KNTC1: variants seen among roughly 807,000 people sequenced by gnomAD.
KNTC1 encodes the protein kinetochore associated 1, also known as kinetochore-associated protein 1.
In KNTC1, 253 loss-of-function variants were observed where a neutral mutation model predicts 314.4. The ratio of observed to expected loss-of-function variants is 0.80; its 90% CI spans 0.73 to 0.89. KNTC1 has a LOEUF of 0.89. Ranked by LOEUF, KNTC1 falls within the 40% of genes least tolerant of loss-of-function variation. The pLI is 0.00. For missense variants in KNTC1, 2,475 were observed against 2,572.9 expected, an observed-to-expected ratio of 0.96 and a Z score of 0.82; for synonymous variants, 901 against 901.4, an observed-to-expected ratio of 1.00 and a Z score of 0.01.
chr12:122,563,139 T>TCAC (rs1457690313), intron 20 of KNTC1, among the ~76,000 whole-genome samples: 66 of 152,238 alleles, frequency 4.3e-4, no homozygotes, highest in African/African-American at 1.3e-3. Flanking sequence ...ATACTAGTTT[T>TCAC]TCAGCAACAA....
intron 18 of KNTC1, among the ~76,000 whole-genome samples, chr12:122,559,151 A>G (rs931797822): frequency 6.6e-6 from 1 of 152,018 alleles, no homozygotes; most frequent in Admixed American, 6.6e-5. Context: ...GATCGAGACC[A>G]TTGTGACGAA....
rs1273465100 is a variant in KNTC1 at position 122,574,341 on chromosome 12, A to C, written c.2343A>C (p.Ala781=). The C allele has an allele frequency of 1.2e-6, 2 of 1,611,836 alleles. No individual in the cohort carries two copies. Among genetic ancestry groups the C allele is most frequent in the Non-Finnish European group, 1.7e-6 (2 of 1,178,520 alleles). Residue 781 remains alanine, a synonymous_variant, in exon 27 of 64, where the codon GCA becomes GCC. Coordinates refer to ENST00000333479, the MANE Select transcript of KNTC1 (RefSeq NM_014708.6). The stretch of plus-strand genomic sequence containing the variant: ...CACTCTTTGAAACAGCATGGGAAGC[A>C]AAGGCCATGGCAGTAATAGCGTGTT... ...STSLFETAWE[A]KAMAVIACLS...
intron 27 of KNTC1, 112 bp from the exon 28 acceptor site, chr12:122,575,431 T>C (rs1964948955): frequency 8.6e-6 from 6 of 696,504 alleles, no homozygotes; most frequent in Admixed American, 2.3e-5. Flanking sequence ...GGATGAAATA[T>C]TCTCAAACTA....
intron 59 of KNTC1, among the ~76,000 whole-genome samples, chr12:122,619,328 C>CGG (rs975960429): frequency 6.6e-6 from 1 of 151,420 alleles, no homozygotes; most frequent in African/African-American, 2.4e-5. Context: ...TGCACCACCA[C>CGG]GCCTGGCTAA....
At chr12:122,574,580 T>A (rs1269353559) in intron 27 of KNTC1, among the ~76,000 whole-genome samples, 200 bp downstream of exon 27, 1 of 152,196 alleles carries the variant, frequency 6.6e-6, no homozygotes, top group Non-Finnish European at 1.5e-5. Context: ...CACCTCAGCC[T>A]CCTGAGTAGT....
chr12:122,588,688 T>C (rs770959261), intron 39 of KNTC1, 24 bp from the exon 40 acceptor site: 2 of 1,466,616 alleles, frequency 1.4e-6, no homozygotes, highest in South Asian at 1.4e-5. Context: ...TAGACCTAAA[T>C]ATTTTTTTCT....
intron 41 of KNTC1, 120 bp from the exon 42 acceptor site, chr12:122,591,217 T>C (rs546719811): frequency 4.0e-5 from 28 of 692,030 alleles, no homozygotes; most frequent in South Asian, 3.6e-4. Context: ...CAAAATAATA[T>C]GTAACATTCT....
At chr12:122,551,846 A>C (rs1235435999) in intron 16 of KNTC1, 150 bp downstream of exon 16, 2 of 670,270 alleles carry the variant, frequency 3.0e-6, no homozygotes, top group African/African-American at 1.8e-5. Context: ...ATTCAGAGGA[A>C]AGAGTGACCC....
chr12:122,618,756 C>T (rs1453213233), intron 59 of KNTC1, among the ~76,000 whole-genome samples: 3 of 151,994 alleles, frequency 2.0e-5, no homozygotes, highest in African/African-American at 4.8e-5. Flanking sequence ...GCACCCTCCA[C>T]CTCCCAGATT....
At chr12:122,552,504 A>G (rs559304591) in intron 16 of KNTC1, among the ~76,000 whole-genome samples, 35 of 152,220 alleles carry the variant, frequency 2.3e-4, no homozygotes, top group African/African-American at 7.5e-4. Context: ...GGCTGGGACT[A>G]TAGTTGCATA....
At chr12:122,605,225 A>G (rs894868434) in intron 50 of KNTC1, 81 bp from the exon 51 acceptor site, 1 of 1,076,016 alleles carries the variant, frequency 9.3e-7, no homozygotes, top group African/African-American at 1.6e-5. Flanking sequence ...ATGTATGTGC[A>G]TATATACACA....
chr12:122,528,041 A>G (rs528102861), intron 1 of KNTC1, among the ~76,000 whole-genome samples: 2 of 152,360 alleles, frequency 1.3e-5, no homozygotes, highest in African/African-American at 2.4e-5. Flanking sequence ...CCGCAAAAAC[A>G]TAAACTTCAT....
At chr12:122,603,274 A>C (rs2138118270) in intron 48 of KNTC1, 31 bp downstream of exon 48, 1 of 811,704 alleles carries the variant, frequency 1.2e-6, no homozygotes, top group East Asian at 5.4e-5. Context: ...ATTGTAGTTA[A>C]AAAAAAAAAA....
At chr12:122,545,865 C>T (rs960936047) in intron 8 of KNTC1, among the ~76,000 whole-genome samples, 3 of 151,198 alleles carry the variant, frequency 2.0e-5, no homozygotes, top group Non-Finnish European at 2.9e-5. Flanking sequence ...GTGGGAGGAT[C>T]GCTTGAGCCC....
chr12:122,537,988 G>A lies in KNTC1; in HGVS notation c.251-351G>A, dbSNP rs969905915. ...TCTGTACAAAAAATACCAAAAACTA[G>A]CTGGCCATAGTGGTGTGTACCTGTG... On this transcript the variant is annotated intron_variant, in intron 3 of 63. Coordinates refer to ENST00000333479, the MANE Select transcript of KNTC1 (RefSeq NM_014708.6). 7.2e-5 allele frequency among the ~76,000 whole-genome samples: 11 copies of A among 152,110 alleles called. No homozygotes were observed. In the East Asian group the frequency reaches 1.9e-3, roughly 27 times the overall value.
chr12:122,579,884 G>A lies in KNTC1; in HGVS notation c.2842-21G>A, dbSNP rs752653725. The A allele has an allele frequency of 2.0e-5, 31 of 1,558,612 alleles. No individual in the cohort carries two copies. The Middle Eastern group carries it at 6.7e-4, about 34-fold the overall frequency. The stretch of plus-strand genomic sequence containing the variant: ...CAGAAAAGGAAGTAGATTTTATTTC[G>A]CTTTATTTATTTATTTTTAGGGCAA... On this transcript the variant is annotated intron_variant, in intron 31 of 63. Transcript: ENST00000333479.
Position 122,541,279 on chromosome 12 carries a change from G to GCCTTCCTTCCTT in KNTC1, c.446-768_446-767insTCCTTCCTTCCT, listed in dbSNP as rs1250793495. On this transcript the variant is annotated intron_variant, in intron 5 of 63. Transcript: ENST00000333479. ...TTTGTGCTTGCCTGCCTGCCTGCCTGCCTGCCTGCCTTCCTTCCTTCCTTC... is the reference window on the plus strand; with the variant it reads ...TTTGTGCTTGCCTGCCTGCCTGCCTGCCTTCCTTCCTTCCTGCCTGCCTTCCTTCCTTCCTTC... Among the ~76,000 whole-genome samples, 3 of 102,428 alleles carry GCCTTCCTTCCTT rather than the reference G, an allele frequency of 2.9e-5. No homozygotes were observed. The East Asian group carries it at 1.2e-3, about 40-fold the overall frequency. The allele number at this position is 102,428 out of a possible 152,430, so 67.2% of individuals were successfully genotyped here. A position where few individuals can be genotyped will look rare whatever the true frequency, so the allele number is the denominator to read the frequency against.
intron 16 of KNTC1, 85 bp from the exon 17 acceptor site, chr12:122,557,299 G>A: frequency 3.0e-6 from 4 of 1,315,330 alleles, no homozygotes; most frequent in Non-Finnish European, 4.2e-6. Flanking sequence ...GAAGTAGTTT[G>A]TTTCACTCAG....
At chr12:122,541,173 T>A (rs1202466746) in intron 5 of KNTC1, among the ~76,000 whole-genome samples, 1 of 151,678 alleles carries the variant, frequency 6.6e-6, no homozygotes, top group Non-Finnish European at 1.5e-5. Flanking sequence ...GGAGATAGAT[T>A]GAGACCCTGT....
Sources: allele counts gnomAD v4.1 joint callset (sites outside exome capture counted in the v4.1 genomes callset), GRCh38; gene constraint gnomAD v4.1.1; transcripts MANE v1.5; gene names NCBI Gene and HGNC (gene_info 2026-07-23, HGNC 2026-07-21).